CIT: variants seen among roughly 807,000 people sequenced by gnomAD.
CIT encodes citron Rho-interacting kinase.
Under a neutral mutation model 272.7 loss-of-function variants are expected in CIT, and 79 were observed. That is an observed-to-expected ratio of 0.29 (90% CI 0.24 to 0.35). The LOEUF is 0.35. Ranked by LOEUF, CIT falls within the 10% of genes least tolerant of loss-of-function variation. The pLI is 1.00. For missense variants in CIT, 1,909 were observed against 2,618.3 expected (o/e 0.73, Z 5.91); for synonymous variants, 948 against 995.6 (o/e 0.95, Z 0.90).
In CIT at chr12:119,710,558, C is replaced by G; in HGVS notation, c.4917G>C (p.Thr1639=). 6.2e-7 allele frequency: 1 copy of G among 1,614,128 alleles called. No individual in the cohort carries two copies. Among genetic ancestry groups the G allele is most frequent in the South Asian group, 1.1e-5 (1 of 91,082 alleles). The part of the protein sequence containing the change: ...EGDDRLDMNC[T]LPFSDQVVLV... Reference sequence around the variant, plus strand: ...GCATTACCTGGTCACTGAAGGGCAGCGTGCAGTTCATGTCTAGACGGTCAT... The same window carrying G: ...GCATTACCTGGTCACTGAAGGGCAGGGTGCAGTTCATGTCTAGACGGTCAT... The change falls in exon 38 of 48, where the codon ACG becomes ACC. Residue 1639 remains threonine (T), a synonymous_variant. Coordinates refer to ENST00000392521, the MANE Select transcript of CIT (RefSeq NM_001206999.2). This position sits in a 1 kb window ranked among gnomAD's most constrained non-coding sequence, Gnocchi z 5.6.
intron 9 of CIT, among the ~76,000 whole-genome samples, chr12:119,815,701 CA>C (rs997363823): frequency 6.7e-6 from 1 of 150,114 alleles, no homozygotes; most frequent in Non-Finnish European, 1.5e-5. Flanking sequence ...AGCAAAACTC[CA>C]TCTCAAAAAA....
At chr12:119,862,829 A>AAAAAAAAAAAAAAAAAAAAAAAAAAAAAC (rs1950389177) in intron 3 of CIT, among the ~76,000 whole-genome samples, 1 of 137,214 alleles carries the variant, frequency 7.3e-6, no homozygotes, top group Non-Finnish European at 1.5e-5. Flanking sequence ...AAAAAAAAAA[A>AAAAAAAAAAAAAAAAAAAAAAAAAAAAAC]AAAAAAAAAA....
At chr12:119,831,925 T>C (rs770351567) in intron 7 of CIT, among the ~76,000 whole-genome samples, 2 of 152,112 alleles carry the variant, frequency 1.3e-5, no homozygotes, top group Non-Finnish European at 2.9e-5. Context: ...ATGTAAAGGA[T>C]TTAACTCTCA....
chr12:119,755,001 G>A (rs1409497324), intron 22 of CIT, among the ~76,000 whole-genome samples: 1 of 152,156 alleles, frequency 6.6e-6, no homozygotes, highest in South Asian at 2.1e-4. Context: ...CGAGTCTCCC[G>A]TGATCTTGCT....
At chr12:119,755,783 T>C (rs565908027) in intron 22 of CIT, among the ~76,000 whole-genome samples, 1 of 152,298 alleles carries the variant, frequency 6.6e-6, no homozygotes, top group East Asian at 1.9e-4. Flanking sequence ...ACAACCCAAT[T>C]TGTTGTATTT....
At chr12:119,767,289 G>T in intron 18 of CIT, 107 bp from the exon 19 acceptor site, 1 of 815,330 alleles carries the variant, frequency 1.2e-6, no homozygotes, top group Non-Finnish European at 1.9e-6. Context: ...CACAGGTAAC[G>T]GTCATCTGGT....
intron 24 of CIT, among the ~76,000 whole-genome samples, chr12:119,740,467 T>G (rs1349526969): frequency 1.3e-5 from 2 of 152,210 alleles, no homozygotes; most frequent in African/African-American, 4.8e-5. Context: ...ATTGTTTTGC[T>G]GTTTCACAGT....
rs1016664155 is a variant in CIT at position 119,797,255 on chromosome 12, G to A, written c.1295+5951C>T. 1.8e-4 allele frequency among the ~76,000 whole-genome samples: 28 copies of A among 152,200 alleles called. 1 individual carries two copies. The highest frequency in any genetic ancestry group is 1.8e-3 in the Admixed American group (27 of 15,282). Reference sequence around the variant, plus strand: ...TTCTGGAGCCTAATCTTCAGGACTGGGCTAGGATTGTCTGGATTAGATTTC... The same window carrying A: ...TTCTGGAGCCTAATCTTCAGGACTGAGCTAGGATTGTCTGGATTAGATTTC... On this transcript the variant is annotated intron_variant, in intron 10 of 47. Coordinates refer to ENST00000392521, the MANE Select transcript of CIT (RefSeq NM_001206999.2).
chr12:119,814,584 A>C (rs1966967556), intron 9 of CIT, among the ~76,000 whole-genome samples: 1 of 152,122 alleles, frequency 6.6e-6, no homozygotes, highest in Non-Finnish European at 1.5e-5. Flanking sequence ...GTCCAAAAGG[A>C]AGACAAGTTT....
intron 2 of CIT, among the ~76,000 whole-genome samples, chr12:119,870,637 A>G (rs991706880): frequency 6.6e-6 from 1 of 150,872 alleles, no homozygotes; most frequent in African/African-American, 2.4e-5. Context: ...GGGCTAGACC[A>G]GGGGTGTGCA....
In CIT at chr12:119,690,507, C is replaced by T; in HGVS notation, c.5883-53G>A. ...CTGCGAGGCCACAACCCCAGAGGGGCATTTTCCTTCTTACCTGAGCAACCC... is the reference window on the plus strand; with the variant it reads ...CTGCGAGGCCACAACCCCAGAGGGGTATTTTCCTTCTTACCTGAGCAACCC... On this transcript the variant is annotated intron_variant, in intron 46 of 47. Transcript: ENST00000392521. The surrounding 1 kb of genome is among the most constrained non-coding windows in gnomAD (Gnocchi z 6.0). The T allele has an allele frequency of 6.7e-7, 1 of 1,483,644 alleles. No individual in the cohort carries two copies. Among genetic ancestry groups the T allele is most frequent in the Non-Finnish European group, 8.9e-7 (1 of 1,123,146 alleles). The allele number at this position is 1,483,644 out of a possible 1,614,324, so 91.9% of individuals were successfully genotyped here. A position where few individuals can be genotyped will look rare whatever the true frequency, so the allele number is the denominator to read the frequency against.
intron 4 of CIT, among the ~76,000 whole-genome samples, chr12:119,854,779 C>A (rs906053881): frequency 4.6e-5 from 7 of 151,782 alleles, no homozygotes; most frequent in East Asian, 2.0e-4. Context: ...TGAAACCCCC[C>A]CTCTGCACTA....
intron 4 of CIT, among the ~76,000 whole-genome samples, chr12:119,851,906 G>A (rs1378732004): frequency 6.6e-6 from 1 of 152,034 alleles, no homozygotes; most frequent in South Asian, 2.1e-4. Context: ...GGTGGTGTTC[G>A]CTTACAGTCC....
chr12:119,756,526 G>A (rs566599679), intron 22 of CIT, among the ~76,000 whole-genome samples: 22 of 152,254 alleles, frequency 1.4e-4, no homozygotes, highest in Middle Eastern at 3.4e-3. Flanking sequence ...CTTGGCCCGC[G>A]GCCCATCCAA....
At chr12:119,808,668 G>C (rs1195969726) in intron 9 of CIT, among the ~76,000 whole-genome samples, 3 of 152,184 alleles carry the variant, frequency 2.0e-5, no homozygotes. Context: ...ATGATATAAT[G>C]AATCAGGACT....
intron 28 of CIT, among the ~76,000 whole-genome samples, chr12:119,721,877 A>C (rs765768485): frequency 1.4e-4 from 21 of 152,202 alleles, no homozygotes; most frequent in Non-Finnish European, 2.9e-5. Flanking sequence ...TGCTATGAGA[A>C]ATTACTCCAT....
At chr12:119,735,444 A>T (rs1958699640) in intron 24 of CIT, 87 bp from the exon 25 acceptor site, 4 of 1,330,738 alleles carry the variant, frequency 3.0e-6, no homozygotes, top group Non-Finnish European at 4.3e-6. Context: ...TTCTGAACCC[A>T]CGTGACACTG....
At chr12:119,767,787 A>T (rs1162092322) in intron 18 of CIT, among the ~76,000 whole-genome samples, 1 of 152,190 alleles carries the variant, frequency 6.6e-6, no homozygotes, top group Non-Finnish European at 1.5e-5. Context: ...AAAGACAAAC[A>T]TATAATACAC....
At chr12:119,836,284 T>TA (rs201559880) in intron 5 of CIT, among the ~76,000 whole-genome samples, 1,773 of 42,112 alleles carry the variant, frequency 0.042, 159 homozygotes, top group Admixed American at 0.11. Context: ...AGACTCCATC[T>TA]AAAAAAAAAA....
Sources: allele counts gnomAD v4.1 joint callset (sites outside exome capture counted in the v4.1 genomes callset), GRCh38; gene constraint gnomAD v4.1.1; non-coding constraint Gnocchi (gnomAD v3.1); transcripts MANE v1.5; gene names NCBI Gene and HGNC (gene_info 2026-07-23, HGNC 2026-07-21).